GFOD2: variants seen among roughly 807,000 people sequenced by gnomAD.
The protein encoded by GFOD2 is glucose-fructose oxidoreductase domain-containing protein 2.
A neutral mutation model predicts 24.6 loss-of-function variants in GFOD2; 9 were observed. The observed-to-expected ratio is 0.37, with a 90% CI of 0.22 to 0.64. The LOEUF (loss-of-function observed/expected upper bound fraction) is 0.64, where lower values mean the gene tolerates loss of function less well. Among genes scored for constraint, GFOD2 ranks in the 30% least tolerant of loss-of-function variants. The probability of loss-of-function intolerance (pLI) is 0.65; values close to 1 mark genes in which losing one functional copy is unlikely to be tolerated. For missense variants in GFOD2, 476 were observed against 532.5 expected (o/e 0.89, Z 1.04); for synonymous variants, 211 against 224.8 (o/e 0.94, Z 0.55).
rs1050989422 is a variant in GFOD2 at position 67,675,074 on chromosome 16, T to G, written c.*81A>C. 6.9e-7 allele frequency: 1 copy of G among 1,450,688 alleles called. No individual in the cohort carries two copies. The highest frequency in any genetic ancestry group is 9.3e-7 in the Non-Finnish European group (1 of 1,069,856). 89.9% of individuals were successfully genotyped at this position (1,450,688 alleles called of 1,614,324 possible). ...ATTAAATGAAAGACACTGTCTCTGC[T>G]AGGGCCAAGTCCCTGTCATGTCTGG... is the stretch of plus-strand genomic sequence containing the variant. On this transcript the variant is annotated 3_prime_UTR_variant, in exon 3 of 3. Transcript: ENST00000268797.
At chr16:67,699,696 C>A (rs940957233) in intron 1 of GFOD2, among the ~76,000 whole-genome samples, 2 of 151,978 alleles carry the variant, frequency 1.3e-5, no homozygotes, top group Non-Finnish European at 2.9e-5. Flanking sequence ...GTTGGCCAGG[C>A]TGGTCTCAAA....
At chr16:67,682,444 TA>T in intron 2 of GFOD2, 1 of 985,266 alleles carries the variant, frequency 1.0e-6, no homozygotes, top group Non-Finnish European at 1.2e-6. Context: ...GCAAAGATGC[TA>T]GGGGCACCTT....
rs2053176442 is a variant in GFOD2, at chr16:67,675,392, C to T, written c.921G>A (p.Met307Ile). 1 of 1,613,288 alleles carries T rather than the reference C, an allele frequency of 6.2e-7. No individual in the cohort carries two copies. The highest frequency in any genetic ancestry group is 1.3e-5 in the African/African-American group (1 of 74,950). The part of the protein sequence containing the change: ...QDVPLLYLKG[M>I]VYMVQALRQS... ...GGCGCAAGGCCTGCACCATGTAGAC[C>T]ATGCCCTTCAGGTACAGCAGCGGGA... The change falls in exon 3 of 3, where the codon ATG becomes ATA. Residue 307 changes from methionine to isoleucine, a missense_variant. Coordinates refer to ENST00000268797, the MANE Select transcript of GFOD2 (RefSeq NM_030819.4).
intron 1 of GFOD2, among the ~76,000 whole-genome samples, chr16:67,699,646 G>C (rs1260976887): frequency 6.6e-6 from 1 of 151,994 alleles, no homozygotes; most frequent in Non-Finnish European, 1.5e-5. Context: ...ACCACGCCTG[G>C]CTAATTTTTG....
chr16:67,692,679 A>G (rs1400688822), intron 1 of GFOD2, among the ~76,000 whole-genome samples: 1 of 151,844 alleles, frequency 6.6e-6, no homozygotes, highest in African/African-American at 2.4e-5. Context: ...AAATACATTT[A>G]CAGGGGATAG....
intron 1 of GFOD2, among the ~76,000 whole-genome samples, chr16:67,716,244 C>A (rs1167698095): frequency 2.6e-5 from 4 of 152,176 alleles, no homozygotes; most frequent in African/African-American, 9.7e-5. Context: ...GCTGGTTTAT[C>A]TGGTAGGGTT....
At chr16:67,697,023 T>C (rs2053364369) in intron 1 of GFOD2, among the ~76,000 whole-genome samples, 1 of 152,106 alleles carries the variant, frequency 6.6e-6, no homozygotes, top group South Asian at 2.1e-4. Flanking sequence ...TTCAGATGCC[T>C]CCAAAGATCT....
intron 1 of GFOD2, among the ~76,000 whole-genome samples, chr16:67,708,664 G>C (rs1329793681): frequency 6.6e-6 from 1 of 152,174 alleles, no homozygotes; most frequent in African/African-American, 2.4e-5. Context: ...GGCACTGAAA[G>C]AGTGGCAAGC....
chr16:67,681,298 G>C (rs991132552), intron 2 of GFOD2: 1 of 985,256 alleles, frequency 1.0e-6, no homozygotes, highest in Non-Finnish European at 1.2e-6. Context: ...TGGGTTTAGA[G>C]GAAAAAGGAC....
chr16:67,708,399 G>C (rs1469213563), intron 1 of GFOD2, among the ~76,000 whole-genome samples: 2 of 152,166 alleles, frequency 1.3e-5, no homozygotes, highest in African/African-American at 4.8e-5. Flanking sequence ...CCAGTAGGCT[G>C]GTGAATCCCA....
At chr16:67,684,474 T>C (rs1032226483) in intron 2 of GFOD2, 3 of 152,152 alleles carry the variant, frequency 2.0e-5, no homozygotes, top group African/African-American at 4.8e-5. Flanking sequence ...GGCGGATGGA[T>C]CACCTGAGGT....
At position 67,678,437 on chromosome 16, in the gene GFOD2, T is replaced by C. The variant is rs931010582; in HGVS notation, c.260-2384A>G. On this transcript the variant is annotated intron_variant, in intron 2 of 2. Transcript: ENST00000268797. ...GTTGCGGTGAGCCAAGATTGCGCCATTGCACGCCAGCTTTGGCGACGAGAG... is the reference window on the plus strand; with the variant it reads ...GTTGCGGTGAGCCAAGATTGCGCCACTGCACGCCAGCTTTGGCGACGAGAG... 6.7e-5 allele frequency among the ~76,000 whole-genome samples: 10 copies of C among 149,994 alleles called. 1 individual carries two copies. The highest frequency in any genetic ancestry group is 2.2e-4 in the African/African-American group (9 of 40,462).
intron 1 of GFOD2, among the ~76,000 whole-genome samples, chr16:67,715,431 G>A (rs1343016937): frequency 6.6e-6 from 1 of 152,128 alleles, no homozygotes; most frequent in Non-Finnish European, 1.5e-5. Flanking sequence ...TGAAGACAAG[G>A]TACTTCAGTG....
chr16:67,707,260 A>C (rs1290111639), intron 1 of GFOD2, among the ~76,000 whole-genome samples: 1 of 151,460 alleles, frequency 6.6e-6, no homozygotes, highest in Non-Finnish European at 1.5e-5. Context: ...CAGGAGGCTA[A>C]GGCAGGAGAA....
intron 2 of GFOD2, chr16:67,683,950 ATG>A (rs1408316251): frequency 2.0e-6 from 2 of 1,017,320 alleles, no homozygotes; most frequent in Non-Finnish European, 2.4e-6. Flanking sequence ...CTACCTTGTA[ATG>A]TGTGTTATTT....
intron 1 of GFOD2, among the ~76,000 whole-genome samples, chr16:67,692,247 A>G (rs574656924): frequency 1.2e-3 from 179 of 150,342 alleles, no homozygotes; most frequent in Non-Finnish European, 1.7e-3. Flanking sequence ...AAAAAAAAAG[A>G]AAACATAGCG....
intron 1 of GFOD2, among the ~76,000 whole-genome samples, chr16:67,706,221 C>T (rs562719698): frequency 6.6e-6 from 1 of 152,148 alleles, no homozygotes; most frequent in South Asian, 2.1e-4. Flanking sequence ...GTGAGATCTG[C>T]CTGCCTCGGC....
chr16:67,700,148 C>T (rs1002581940), intron 1 of GFOD2, among the ~76,000 whole-genome samples: 4 of 151,714 alleles, frequency 2.6e-5, no homozygotes, highest in African/African-American at 9.7e-5. Flanking sequence ...CCAAGGTGGG[C>T]AGATTGCCTG....
intron 1 of GFOD2, among the ~76,000 whole-genome samples, chr16:67,707,128 A>G (rs1160480589): frequency 6.6e-6 from 1 of 151,650 alleles, no homozygotes; most frequent in African/African-American, 2.4e-5. Context: ...GGAAGCCAAG[A>G]TGGGTGGATC....
Sources: allele counts gnomAD v4.1 joint callset (sites outside exome capture counted in the v4.1 genomes callset), GRCh38; gene constraint gnomAD v4.1.1; transcripts MANE v1.5; gene names NCBI Gene and HGNC (gene_info 2026-07-23, HGNC 2026-07-21).